MAP3K1: variants seen among roughly 807,000 people sequenced by gnomAD.
The protein encoded by MAP3K1 is MAP/ERK kinase kinase 1.
In MAP3K1, 36 loss-of-function variants were observed where a neutral mutation model predicts 144.2. The observed-to-expected ratio is 0.25, with a 90% confidence interval of 0.19 to 0.33. MAP3K1 has a LOEUF of 0.33. Among genes scored for constraint, MAP3K1 ranks in the 10% least tolerant of loss-of-function variants. The probability of loss-of-function intolerance (pLI) is 1.00; values close to 1 mark genes in which losing one functional copy is unlikely to be tolerated. For synonymous variants in MAP3K1, 718 were observed against 688.7 expected (o/e 1.04, Z -0.67); for missense variants, 1,650 against 1,881.9 (o/e 0.88, Z 2.28).
chr5:56,890,779 G>A (rs1748524812), intron 19 of MAP3K1, among the ~76,000 whole-genome samples: 1 of 152,092 alleles, frequency 6.6e-6, no homozygotes, highest in African/African-American at 2.4e-5. Context: ...AAGCACAGTG[G>A]CTCATGCCTG....
chr5:56,883,948 A>G (rs1435287977), intron 15 of MAP3K1, among the ~76,000 whole-genome samples: 1 of 152,146 alleles, frequency 6.6e-6, no homozygotes, highest in African/African-American at 2.4e-5. Context: ...CAGGAGTTCA[A>G]GACCAGCCTG....
rs771296519 is a variant in MAP3K1, at chr5:56,887,407, C to A, written c.4144C>A (p.Gln1382Lys). Reference sequence around the variant, plus strand: ...CAATTTGCTAATTGACAGCACTGGTCAGAGACTAAGAATTGCAGATTTTGG... The same window carrying A: ...CAATTTGCTAATTGACAGCACTGGTAAGAGACTAAGAATTGCAGATTTTGG... ...GANLLIDSTG[Q>K]RLRIADFGAA... is the part of the protein sequence containing the mutation. Residue 1382 changes from glutamine to lysine, a missense_variant, in exon 18 of 20, where the codon CAG becomes AAG. Around this residue, in one of 6 missense-constraint regions of MAP3K1, gnomAD observed 165 missense variants for 322.9 expected, o/e 0.51. Coordinates refer to ENST00000399503, the MANE Select transcript of MAP3K1 (RefSeq NM_005921.2). 2 of 1,614,118 alleles carry A rather than the reference C, an allele frequency of 1.2e-6. No homozygotes were observed. Among genetic ancestry groups the A allele is most frequent in the Admixed American group, 1.7e-5 (1 of 60,012 alleles).
intron 1 of MAP3K1, among the ~76,000 whole-genome samples, chr5:56,829,078 G>T (rs538566066): frequency 6.6e-6 from 1 of 151,954 alleles, no homozygotes; most frequent in South Asian, 2.1e-4. Flanking sequence ...CTTTCAAATA[G>T]ACTTGGAATA....
Position 56,815,855 on chromosome 5 carries a change from G to T in MAP3K1, c.282G>T (p.Glu94Asp). 2.9e-6 allele frequency: 4 copies of T among 1,399,552 alleles called. No homozygotes were observed. The highest frequency in any genetic ancestry group is 3.7e-6 in the Non-Finnish European group (4 of 1,072,592). The allele number at this position is 1,399,552 out of a possible 1,614,324, so 86.7% of individuals were successfully genotyped here. A position where few individuals can be genotyped will look rare whatever the true frequency, so the allele number is the denominator to read the frequency against. ...PPASSTSPSP[E>D]PADAAGSGTG... ...CCTCCTCGACTTCCCCGTCGCCGGA[G>T]CCCGCGGACGCAGCGGGGAGTGGGA... The change falls in exon 1 of 20, where the codon GAG (glutamate) becomes GAT (aspartate). Residue 94 changes from glutamate (E) to aspartate (D), a missense_variant. Physicochemically the swap from Glu to Asp is conservative, Grantham distance 45. This residue lies in a region of MAP3K1 where 360 missense variants were observed against 274.7 expected (regional missense o/e 1.31). Coordinates refer to ENST00000399503, the MANE Select transcript of MAP3K1 (RefSeq NM_005921.2).
chr5:56,824,549 G>T (rs986254916), intron 1 of MAP3K1, among the ~76,000 whole-genome samples: 1 of 152,160 alleles, frequency 6.6e-6, no homozygotes, highest in Non-Finnish European at 1.5e-5. Flanking sequence ...TGCAGTCGGG[G>T]GCCACCTAGC....
intron 1 of MAP3K1, among the ~76,000 whole-genome samples, chr5:56,839,359 C>T (rs151059032): frequency 6.6e-6 from 1 of 152,300 alleles, no homozygotes; most frequent in Admixed American, 6.5e-5. Context: ...TTATGCAAGT[C>T]ATGAGTGGTA....
chr5:56,822,272 A>G (rs888219299), intron 1 of MAP3K1, among the ~76,000 whole-genome samples: 3 of 152,100 alleles, frequency 2.0e-5, no homozygotes, highest in African/African-American at 7.2e-5. Context: ...TGATCCACCC[A>G]CCTTGGCCTC....
At chr5:56,818,281 T>C (rs1746042181) in intron 1 of MAP3K1, among the ~76,000 whole-genome samples, 1 of 152,184 alleles carries the variant, frequency 6.6e-6, no homozygotes, top group African/African-American at 2.4e-5. Flanking sequence ...TGCTACACTA[T>C]TACTTACCAT....
At chr5:56,876,018 C>G (rs572490777) in intron 10 of MAP3K1, among the ~76,000 whole-genome samples, 6 of 152,120 alleles carry the variant, frequency 3.9e-5, no homozygotes, top group African/African-American at 1.4e-4. Context: ...GAGTTGTTTT[C>G]CAGTTTAACC....
intron 6 of MAP3K1, among the ~76,000 whole-genome samples, chr5:56,866,682 G>A (rs927518702): frequency 6.6e-6 from 1 of 152,124 alleles, no homozygotes; most frequent in Non-Finnish European, 1.5e-5. Flanking sequence ...GTTAAATCCT[G>A]TCTTCATCCT....
intron 10 of MAP3K1, 126 bp downstream of exon 10, chr5:56,875,436 AT>A: frequency 1.1e-6 from 1 of 938,072 alleles, no homozygotes; most frequent in Non-Finnish European, 1.6e-6. Flanking sequence ...TTTTATTTTT[AT>A]TCCATAATTC....
At chr5:56,838,739 C>T (rs539636010) in intron 1 of MAP3K1, among the ~76,000 whole-genome samples, 70 of 152,312 alleles carry the variant, frequency 4.6e-4, no homozygotes, top group Non-Finnish European at 8.2e-4. Flanking sequence ...GTGATCCCGT[C>T]TTCCAGTGGA....
chr5:56,856,587 G>A lies in MAP3K1; in HGVS notation c.483-13G>A. ...TACATTTCTCATTTTATTTGTTTCT[G>A]CCTGCATTTTAGTCGTGAGATGGAG... On this transcript the variant is annotated splice_polypyrimidine_tract_variant and intron_variant, in intron 1 of 19. Coordinates refer to ENST00000399503, the MANE Select transcript of MAP3K1 (RefSeq NM_005921.2). 1 of 1,604,644 alleles carries A rather than the reference G, an allele frequency of 6.2e-7. No homozygotes were observed. The highest frequency in any genetic ancestry group is 1.1e-5 in the South Asian group (1 of 90,938).
intron 1 of MAP3K1, among the ~76,000 whole-genome samples, chr5:56,822,819 C>G (rs1268753367): frequency 6.6e-6 from 1 of 152,234 alleles, no homozygotes; most frequent in Admixed American, 6.5e-5. Flanking sequence ...TAAACCTTCT[C>G]CTAACATGTT....
At position 56,882,554 on chromosome 5, in the gene MAP3K1, G is replaced by C; in HGVS notation, c.3354G>C (p.Glu1118Asp). The C allele has an allele frequency of 1.2e-6, 2 of 1,614,170 alleles. No homozygotes were observed. Among genetic ancestry groups the C allele is most frequent in the Non-Finnish European group, 1.7e-6 (2 of 1,180,018 alleles). Reference protein sequence around the residue: ...SDETVFTPVEEKCRLDVNTEL... With the variant: ...SDETVFTPVEDKCRLDVNTEL... ...AGACAGTGTTCACCCCAGTAGAGGAGAAATGCAGATTAGATGTCAATACAG... is the reference window on the plus strand; with the variant it reads ...AGACAGTGTTCACCCCAGTAGAGGACAAATGCAGATTAGATGTCAATACAG... The change falls in exon 14 of 20, where the codon GAG (glutamate) becomes GAC (aspartate). Residue 1118 changes from glutamate to aspartate, a missense_variant. Transcript: ENST00000399503.
intron 1 of MAP3K1, among the ~76,000 whole-genome samples, chr5:56,819,478 C>CT (rs1746088931): frequency 6.6e-6 from 1 of 152,028 alleles, no homozygotes; most frequent in East Asian, 1.9e-4. Context: ...GCTGAGTCGG[C>CT]TAATCAGTCC....
At chr5:56,840,697 C>G (rs1038606838) in intron 1 of MAP3K1, among the ~76,000 whole-genome samples, 1 of 152,044 alleles carries the variant, frequency 6.6e-6, no homozygotes, top group Non-Finnish European at 1.5e-5. Flanking sequence ...AGCTGTGTGG[C>G]TACAGAGAGC....
intron 2 of MAP3K1, among the ~76,000 whole-genome samples, chr5:56,859,411 A>G (rs1747435159): frequency 6.6e-6 from 1 of 152,152 alleles, no homozygotes; most frequent in African/African-American, 2.4e-5. Context: ...TGAGTGTTAA[A>G]TGAGTTAGGG....
At chr5:56,816,954 C>A in intron 1 of MAP3K1, 2 of 353,000 alleles carry the variant, frequency 5.7e-6, no homozygotes, top group Non-Finnish European at 7.9e-6. Flanking sequence ...GTGGTGACTG[C>A]TCCCCGCAGC....
Sources: gnomAD v4.1 joint callset for allele counts (sites outside exome capture counted in the v4.1 genomes callset) on GRCh38, gnomAD v4.1.1 for gene constraint, gnomAD v4.1.1 regional missense constraint, MANE v1.5 for transcripts, NCBI Gene and HGNC (gene_info 2026-07-23, HGNC 2026-07-21) for gene names.